The following SAMD3 variants were observed in gnomAD, a reference collection of about 807,000 sequenced individuals.
SAMD3 encodes the protein sterile alpha motif domain-containing protein 3.
SAMD3 carries 63 observed loss-of-function variants against 58.5 expected under a neutral mutation model. The ratio of observed to expected loss-of-function variants is 1.08; its 90% CI spans 0.88 to 1.33. SAMD3 has a LOEUF of 1.33. SAMD3 is among the 40% of genes most tolerant of loss of function. SAMD3 has a pLI of 0.00. For missense variants in SAMD3, 604 were observed against 608.4 expected (o/e 0.99, Z 0.08); for synonymous variants, 220 against 210.3 (o/e 1.05, Z -0.40).
upstream of SAMD3, among the ~76,000 whole-genome samples, chr6:130,224,633 T>C (rs1350272059): frequency 0.045 from 6,551 of 145,298 alleles, 476 homozygotes; most frequent in African/African-American, 0.15. Context: ...TTATTATTAT[T>C]TTTGAGATGG....
chr6:130,359,857 A>G lies in SAMD3; in HGVS notation c.-304+5263T>C, dbSNP rs190526253. On this transcript the variant is annotated intron_variant, in intron 1 of 13. Transcript: ENST00000368134. ...GGGAAAATGCATAGCTTCCAGGGAT[A>G]TGCTAAATCTTTCAATCACTTGGGA... is the stretch of plus-strand genomic sequence containing the variant. Among the ~76,000 whole-genome samples, 215 of 152,310 alleles carry G rather than the reference A, an allele frequency of 1.4e-3. 3 individuals are homozygous for G. The highest frequency in any genetic ancestry group is 4.9e-3 in the African/African-American group (202 of 41,570).
intron 8 of SAMD3, among the ~76,000 whole-genome samples, chr6:130,174,520 A>T (rs555085687): frequency 3.3e-5 from 5 of 152,292 alleles, no homozygotes; most frequent in African/African-American, 1.2e-4. Context: ...AATGAGATGA[A>T]GTGGGTACCT....
intron 1 of SAMD3, among the ~76,000 whole-genome samples, chr6:130,219,122 C>A (rs145783476): frequency 6.6e-6 from 1 of 152,226 alleles, no homozygotes; most frequent in East Asian, 1.9e-4. Flanking sequence ...AGTTTTCCTT[C>A]GTTTTAGGAA....
intron 5 of SAMD3, among the ~76,000 whole-genome samples, chr6:130,189,204 C>T (rs377531354): frequency 4.0e-5 from 6 of 151,790 alleles, no homozygotes; most frequent in African/African-American, 9.7e-5. Flanking sequence ...TAACCTCCAA[C>T]GTGACTGTAC....
chr6:130,228,165 A>T (rs1409353359), intron 2 of SAMD3, among the ~76,000 whole-genome samples: 1 of 152,196 alleles, frequency 6.6e-6, no homozygotes, highest in East Asian at 1.9e-4. Flanking sequence ...CATGTTGTAT[A>T]TACAAAGCCA....
chr6:130,155,099 A>C, intron 8 of SAMD3, 74 bp from the exon 9 acceptor site: 1 of 1,131,218 alleles, frequency 8.8e-7, no homozygotes, highest in Non-Finnish European at 1.3e-6. Flanking sequence ...GTTATTGCAC[A>C]CTCTTAACTC....
chr6:130,196,389 C>T (rs1405791504), intron 5 of SAMD3, among the ~76,000 whole-genome samples: 2 of 152,190 alleles, frequency 1.3e-5, no homozygotes, highest in Non-Finnish European at 2.9e-5. Flanking sequence ...TGGCCTCCCA[C>T]ATTATTCCTG....
intron 1 of SAMD3, among the ~76,000 whole-genome samples, chr6:130,331,925 A>G (rs903976934): frequency 6.6e-6 from 1 of 152,220 alleles, no homozygotes; most frequent in Non-Finnish European, 1.5e-5. Context: ...AGGCTCTGCA[A>G]TCATTAGGGG....
At chr6:130,183,550 A>C (rs538990293) in intron 7 of SAMD3, 2 of 382,780 alleles carry the variant, frequency 5.2e-6, no homozygotes, top group Non-Finnish European at 1.0e-5. Context: ...TTCTCTTTCT[A>C]TGTGTCACAT....
intron 1 of SAMD3, among the ~76,000 whole-genome samples, chr6:130,338,130 T>G (rs1777157992): frequency 6.6e-6 from 1 of 152,226 alleles, no homozygotes; most frequent in Non-Finnish European, 1.5e-5. Context: ...CTTGGTGCCC[T>G]GCGTTCCAGC....
chr6:130,215,250 C>T lies in SAMD3; in HGVS notation c.24G>A (p.Gln8=), dbSNP rs777661267. METWSVE[Q]VCSWLVEKNL... is the part of the protein sequence containing the mutation. ...TTTTCTCCACCAACCAACTGCAGACCTGCTCAACTGACCAGGTTTCCATTG... is the reference window on the plus strand; with the variant it reads ...TTTTCTCCACCAACCAACTGCAGACTTGCTCAACTGACCAGGTTTCCATTG... Residue 8 remains glutamine, a synonymous_variant, in exon 3 of 12, where the codon CAG becomes CAA. Coordinates refer to ENST00000439090, the MANE Select transcript of SAMD3 (RefSeq NM_001017373.4). The T allele has an allele frequency of 2.5e-5, 40 of 1,610,942 alleles. No homozygotes were observed. The highest frequency in any genetic ancestry group is 6.7e-5 in the Admixed American group (4 of 59,774).
chr6:130,257,928 C>T (rs765611636), intron 2 of SAMD3, among the ~76,000 whole-genome samples: 19 of 152,006 alleles, frequency 1.2e-4, no homozygotes, highest in East Asian at 3.9e-4. Context: ...TGGAAGTATA[C>T]GATCCATGCA....
intron 2 of SAMD3, among the ~76,000 whole-genome samples, chr6:130,305,706 A>T (rs1242226524): frequency 6.6e-6 from 1 of 152,206 alleles, no homozygotes. Context: ...CAATGTGTTG[A>T]TTGATCTGCT....
intron 2 of SAMD3, among the ~76,000 whole-genome samples, chr6:130,277,040 T>C (rs1368451596): frequency 6.6e-6 from 1 of 152,108 alleles, no homozygotes; most frequent in African/African-American, 2.4e-5. Flanking sequence ...AAAATAGTAA[T>C]GTTATCTATA....
At chr6:130,337,995 A>T (rs1777153377) in intron 1 of SAMD3, among the ~76,000 whole-genome samples, 1 of 152,218 alleles carries the variant, frequency 6.6e-6, no homozygotes, top group Admixed American at 6.5e-5. Flanking sequence ...CAATGGGGAA[A>T]ATTTCTCCAG....
chr6:130,242,706 C>T (rs183667770), intron 2 of SAMD3, among the ~76,000 whole-genome samples: 1 of 152,284 alleles, frequency 6.6e-6, no homozygotes, highest in African/African-American at 2.4e-5. Context: ...GCTGGCCTGT[C>T]CAAAGAGCTC....
At chr6:130,163,939 G>T (rs1790492114) in intron 8 of SAMD3, among the ~76,000 whole-genome samples, 1 of 152,032 alleles carries the variant, frequency 6.6e-6, no homozygotes, top group South Asian at 2.1e-4. Context: ...AGTAGGAAAA[G>T]AAAATGTTTT....
intron 2 of SAMD3, among the ~76,000 whole-genome samples, chr6:130,291,202 T>G (rs1156597670): frequency 6.6e-6 from 1 of 152,216 alleles, no homozygotes; most frequent in Non-Finnish European, 1.5e-5. Flanking sequence ...GTGATTCTCC[T>G]GCCTCAGCCT....
intron 7 of SAMD3, among the ~76,000 whole-genome samples, chr6:130,180,287 ATTTTTTTTTTTTT>A (rs56155412): frequency 3.7e-4 from 26 of 69,438 alleles, no homozygotes; most frequent in Non-Finnish European, 5.6e-4. Flanking sequence ...TACCTGGCTA[ATTTTTTTTTTTTT>A]TTTTTTTTTT....
Sources: allele counts gnomAD v4.1 joint callset (sites outside exome capture counted in the v4.1 genomes callset), GRCh38; gene constraint gnomAD v4.1.1; transcripts MANE v1.5; gene names NCBI Gene and HGNC (gene_info 2026-07-23, HGNC 2026-07-21).